Variants in GRM8 observed in about 807,000 individuals in gnomAD.
GRM8 encodes the protein metabotropic glutamate receptor 8.
In GRM8, 47 loss-of-function variants were observed where a neutral mutation model predicts 87.2. That is an observed-to-expected ratio of 0.54 (90% confidence interval 0.43 to 0.69). The LOEUF is 0.69. Among genes scored for constraint, GRM8 ranks in the 30% least tolerant of loss-of-function variants. The pLI, the probability that GRM8 is intolerant of heterozygous loss-of-function variation, is 0.00. For missense variants in GRM8, 1,019 were observed against 1,139.2 expected, an observed-to-expected ratio of 0.89 and a Z score of 1.52; for synonymous variants, 396 against 404.5, an observed-to-expected ratio of 0.98 and a Z score of 0.25.
chr7:127,200,007 A>G (rs1174390348), intron 2 of GRM8, among the ~76,000 whole-genome samples: 1 of 152,236 alleles, frequency 6.6e-6, no homozygotes, highest in Non-Finnish European at 1.5e-5. Flanking sequence ...GAGAAGAGAA[A>G]TAAAGCTTTG....
At chr7:126,918,944 A>C (rs1419465) in intron 3 of GRM8, among the ~76,000 whole-genome samples, 58,822 of 152,008 alleles carry the variant, frequency 0.39, 11,667 homozygotes, top group East Asian at 0.66. Context: ...TTACTTCATA[A>C]ATTTCTGTGA....
intron 3 of GRM8, among the ~76,000 whole-genome samples, chr7:126,935,162 G>A (rs144995184): frequency 6.6e-6 from 1 of 152,276 alleles, no homozygotes; most frequent in Non-Finnish European, 1.5e-5. Context: ...AATCTCAGTA[G>A]AATGCAAATC....
At chr7:126,792,315 A>G (rs976335006) in intron 6 of GRM8, among the ~76,000 whole-genome samples, 1 of 152,218 alleles carries the variant, frequency 6.6e-6, no homozygotes, top group Non-Finnish European at 1.5e-5. Context: ...AGCAGTATTT[A>G]AACCAAAAGT....
chr7:126,577,034 T>A (rs1386508589), intron 8 of GRM8, among the ~76,000 whole-genome samples: 1 of 152,204 alleles, frequency 6.6e-6, no homozygotes, highest in East Asian at 1.9e-4. Context: ...TTATCGTAGC[T>A]GTCCTGTTTC....
intron 3 of GRM8, among the ~76,000 whole-genome samples, chr7:127,047,369 A>G (rs1235896113): frequency 6.6e-6 from 1 of 152,220 alleles, no homozygotes; most frequent in Admixed American, 6.5e-5. Context: ...TTAGTGAATA[A>G]GCAGGAAAGG....
intron 2 of GRM8, among the ~76,000 whole-genome samples, chr7:127,177,884 C>T (rs1445157284): frequency 6.6e-6 from 1 of 152,116 alleles, no homozygotes; most frequent in Admixed American, 6.5e-5. Context: ...CTGACAGAGG[C>T]CACCCAAATG....
At chr7:126,995,012 C>A (rs1262587812) in intron 3 of GRM8, among the ~76,000 whole-genome samples, 4 of 152,200 alleles carry the variant, frequency 2.6e-5, no homozygotes, top group Non-Finnish European at 4.4e-5. Flanking sequence ...GTGCTTGAAT[C>A]ATGCCATCCC....
At chr7:126,842,852 C>T (rs559908443) in intron 6 of GRM8, among the ~76,000 whole-genome samples, 13 of 152,160 alleles carry the variant, frequency 8.5e-5, no homozygotes, top group Admixed American at 1.3e-4. Flanking sequence ...GATTTTCATC[C>T]AGAGAGACCC....
chr7:126,982,298 C>T (rs186649083), intron 3 of GRM8, among the ~76,000 whole-genome samples: 376 of 152,260 alleles, frequency 2.5e-3, no homozygotes, highest in Non-Finnish European at 4.1e-3. Context: ...AGCCCACTGA[C>T]TCAAATGTTA....
At chr7:127,101,851 G>A (rs1018272483) in intron 3 of GRM8, among the ~76,000 whole-genome samples, 21 of 152,162 alleles carry the variant, frequency 1.4e-4, no homozygotes, top group African/African-American at 4.6e-4. Flanking sequence ...AGAGTTTGGA[G>A]GGCTCAGAAG....
chr7:126,788,409 C>CAAAAAAAAAAAAAAAAAAAA (rs67131936), intron 6 of GRM8, among the ~76,000 whole-genome samples: 11 of 10,784 alleles, frequency 1.0e-3, no homozygotes, highest in African/African-American at 2.2e-3. Flanking sequence ...GACTCCATCT[C>CAAAAAAAAAAAAAAAAAAAA]AAAAAAAAAA....
intron 9 of GRM8, among the ~76,000 whole-genome samples, chr7:126,477,648 A>G (rs1806157170): frequency 6.6e-6 from 1 of 150,592 alleles, no homozygotes; most frequent in South Asian, 2.1e-4. Flanking sequence ...AAAACGAAAG[A>G]GAAAGAAAGA....
intron 6 of GRM8, among the ~76,000 whole-genome samples, chr7:126,892,634 T>C (rs1211984006): frequency 6.6e-6 from 1 of 151,988 alleles, no homozygotes. Context: ...TGATTTATAG[T>C]CCTTTGGGTA....
chr7:127,161,297 A>G (rs895154064), intron 2 of GRM8, among the ~76,000 whole-genome samples: 1 of 152,160 alleles, frequency 6.6e-6, no homozygotes, highest in Admixed American at 6.5e-5. Flanking sequence ...ATCAAGATTT[A>G]GAAAAAACAA....
At chr7:126,889,629 T>C (rs536649336) in intron 6 of GRM8, among the ~76,000 whole-genome samples, 38 of 152,288 alleles carry the variant, frequency 2.5e-4, no homozygotes, top group African/African-American at 6.7e-4. Context: ...TGTAGAAATA[T>C]ATCTGAATGA....
chr7:127,019,566 T>C (rs756162392), intron 3 of GRM8, among the ~76,000 whole-genome samples: 2 of 152,094 alleles, frequency 1.3e-5, no homozygotes, highest in Non-Finnish European at 2.9e-5. Flanking sequence ...TACACACTGA[T>C]TTGTCATGAC....
chr7:127,108,930 T>C (rs1285844724), intron 2 of GRM8, among the ~76,000 whole-genome samples: 2 of 152,206 alleles, frequency 1.3e-5, no homozygotes, highest in Admixed American at 6.5e-5. Flanking sequence ...CATCAGGGTA[T>C]ATGAATAGTA....
rs905096746 is a variant in GRM8, at chr7:126,975,698, G to A, written c.728-71015C>T. On this transcript the variant is annotated intron_variant, in intron 3 of 10. Transcript: ENST00000339582. ...GATCTTATGACAGTTTTATTTGGGA[G>A]CTCAGAATTTCTAATAACTTCAATA... Among the ~76,000 whole-genome samples the A allele has an allele frequency of 2.6e-5, 4 of 152,192 alleles. No individual in the cohort carries two copies. The South Asian group carries it at 8.3e-4, about 32-fold the overall frequency.
At chr7:126,917,522 T>G (rs1804043410) in intron 3 of GRM8, among the ~76,000 whole-genome samples, 1 of 152,158 alleles carries the variant, frequency 6.6e-6, no homozygotes, top group African/African-American at 2.4e-5. Flanking sequence ...TGTTTTAATA[T>G]CTAATTTCAG....
Sources: allele counts gnomAD v4.1 joint callset (sites outside exome capture counted in the v4.1 genomes callset), GRCh38; gene constraint gnomAD v4.1.1; transcripts MANE v1.5; gene names NCBI Gene and HGNC (gene_info 2026-07-23, HGNC 2026-07-21).